The following PTPN13 variants were observed in gnomAD, a reference collection of about 807,000 sequenced individuals.
PTPN13 encodes tyrosine-protein phosphatase non-receptor type 13.
A neutral mutation model predicts 284.0 loss-of-function variants in PTPN13; 191 were observed. The observed-to-expected ratio is 0.67, with a 90% CI of 0.60 to 0.76. PTPN13 has a LOEUF of 0.76. Among genes scored for constraint, PTPN13 ranks in the 30% least tolerant of loss-of-function variants. The pLI, the probability that PTPN13 is intolerant of heterozygous loss-of-function variation, is 0.00. For synonymous variants in PTPN13, 986 were observed against 1,022.3 expected, an observed-to-expected ratio of 0.96 and a Z score of 0.68; for missense variants, 2,797 against 2,939.9, an observed-to-expected ratio of 0.95 and a Z score of 1.12.
At chr4:86,730,990 T>C (rs1211195886) in intron 10 of PTPN13, among the ~76,000 whole-genome samples, 1 of 152,228 alleles carries the variant, frequency 6.6e-6, no homozygotes, top group Non-Finnish European at 1.5e-5. Flanking sequence ...GTCCTATTGG[T>C]TCATTGAATA....
chr4:86,728,888 T>C (rs1236010073), intron 10 of PTPN13, among the ~76,000 whole-genome samples: 1 of 147,784 alleles, frequency 6.8e-6, no homozygotes, highest in Non-Finnish European at 1.5e-5. Context: ...GTCATTATGA[T>C]GTTATCTGGT....
At chr4:86,702,841 G>A (rs1032346421) in intron 7 of PTPN13, among the ~76,000 whole-genome samples, 5 of 152,080 alleles carry the variant, frequency 3.3e-5, no homozygotes, top group South Asian at 2.1e-4. Context: ...GATTAAAGAC[G>A]ACTTTAAGAT....
intron 2 of PTPN13, among the ~76,000 whole-genome samples, chr4:86,658,900 A>G (rs756265298): frequency 1.3e-5 from 2 of 152,186 alleles, no homozygotes; most frequent in Non-Finnish European, 2.9e-5. Context: ...TCAGAGAGAA[A>G]AAGAAAGCTG....
chr4:86,627,905 G>A lies in PTPN13; in HGVS notation c.-5-7347G>A, dbSNP rs1443069716. Among the ~76,000 whole-genome samples the A allele has an allele frequency of 2.0e-5, 3 of 152,144 alleles. No individual in the cohort carries two copies. In the East Asian group the frequency reaches 5.8e-4, roughly 29 times the overall value. ...ACATGTATCAGTAATAATTTTTATTGCTGATTAGTATTCCATTGTGAGGAT... is the reference window on the plus strand; with the variant it reads ...ACATGTATCAGTAATAATTTTTATTACTGATTAGTATTCCATTGTGAGGAT... On this transcript the variant is annotated intron_variant, in intron 1 of 47. Coordinates refer to ENST00000411767, the MANE Select transcript of PTPN13 (RefSeq NM_080683.3).
At chr4:86,672,676 G>T in intron 3 of PTPN13, 133 bp downstream of exon 3, 1 of 673,632 alleles carries the variant, frequency 1.5e-6, no homozygotes, top group South Asian at 3.0e-5. Context: ...AAGAAGTTCA[G>T]TTATTTTATT....
At chr4:86,769,686 C>G (rs1739754340) in intron 28 of PTPN13, 83 bp from the exon 29 acceptor site, 4 of 915,732 alleles carry the variant, frequency 4.4e-6, no homozygotes, top group South Asian at 3.6e-5. Flanking sequence ...TAAAATGTGT[C>G]TAGAAGTATA....
chr4:86,734,412 G>C lies in PTPN13; in HGVS notation c.1968G>C (p.Leu656Phe), dbSNP rs1264955902. Residue 656 changes from leucine (L) to phenylalanine (F), a missense_variant, in exon 13 of 48, where the codon TTG becomes TTC. Leu to Phe is a conservative substitution (Grantham distance 22). Coordinates refer to ENST00000411767, the MANE Select transcript of PTPN13 (RefSeq NM_080683.3). ...KKTKATVNFTLFFRIKFFMDD... is the reference protein window; with the variant it reads ...KKTKATVNFTFFFRIKFFMDD... The stretch of plus-strand genomic sequence containing the variant: ...CCAAAGCCACTGTTAATTTTACTTT[G>C]TTTTTCAGAATTAAATTTTTTATGG... 2 of 1,559,022 alleles carry C rather than the reference G, an allele frequency of 1.3e-6. No homozygotes were observed. Among genetic ancestry groups the C allele is most frequent in the Non-Finnish European group, 1.7e-6 (2 of 1,149,642 alleles).
intron 41 of PTPN13, among the ~76,000 whole-genome samples, chr4:86,797,551 A>G (rs1173023464): frequency 6.6e-6 from 1 of 152,122 alleles, no homozygotes; most frequent in African/African-American, 2.4e-5. Context: ...TTCTAGTGAC[A>G]TGTGAAAATG....
At chr4:86,750,432 G>A in intron 17 of PTPN13, 38 bp from the exon 18 acceptor site, 1 of 1,528,388 alleles carries the variant, frequency 6.5e-7, no homozygotes, top group South Asian at 1.2e-5. Context: ...AAGTACTGTG[G>A]CGTTACCATC....
chr4:86,616,026 G>A (rs1720508591), intron 1 of PTPN13, among the ~76,000 whole-genome samples: 1 of 152,136 alleles, frequency 6.6e-6, no homozygotes, highest in South Asian at 2.1e-4. Context: ...AATGAGCACT[G>A]AATAAATATT....
intron 3 of PTPN13, among the ~76,000 whole-genome samples, chr4:86,686,192 T>C (rs1168538041): frequency 6.6e-6 from 1 of 152,130 alleles, no homozygotes; most frequent in African/African-American, 2.4e-5. Flanking sequence ...CAAAACCCCA[T>C]CTCTACTTAA....
intron 1 of PTPN13, among the ~76,000 whole-genome samples, chr4:86,597,727 A>G (rs545535565): frequency 2.0e-5 from 3 of 152,248 alleles, no homozygotes; most frequent in Admixed American, 1.3e-4. Context: ...ACTGTCACTA[A>G]TAGTAAGGCA....
In PTPN13 at chr4:86,718,405, G is replaced by A. The variant is rs1201356; in HGVS notation, c.1385+1288G>A. ...AAACAGACTATTCACAGTTTAGAGT[G>A]TACGTAATTAAATACTTTACACTAA... On this transcript the variant is annotated intron_variant, in intron 9 of 47. Coordinates refer to ENST00000411767, the MANE Select transcript of PTPN13 (RefSeq NM_080683.3). 5.8e-3 allele frequency among the ~76,000 whole-genome samples: 885 copies of A among 151,402 alleles called. 7 individuals carry two copies. Among genetic ancestry groups the A allele is most frequent in the Middle Eastern group, 0.01 (3 of 288 alleles).
chr4:86,799,858 CAG>C (rs1743808110), intron 42 of PTPN13, among the ~76,000 whole-genome samples: 1 of 100,648 alleles, frequency 9.9e-6, no homozygotes, highest in Admixed American at 1.6e-4. Context: ...TTTTTTGAGA[CAG>C]AGTCTCTCTC....
chr4:86,752,928 A>G (rs1448932652), intron 19 of PTPN13, 81 bp from the exon 20 acceptor site: 4 of 997,836 alleles, frequency 4.0e-6, no homozygotes, highest in Non-Finnish European at 5.9e-6. Context: ...ATTGATTTTT[A>G]TGAGCTTATC....
At chr4:86,788,904 A>G (rs1204944304) in intron 40 of PTPN13, among the ~76,000 whole-genome samples, 1 of 152,208 alleles carries the variant, frequency 6.6e-6, no homozygotes, top group African/African-American at 2.4e-5. Flanking sequence ...AGTGGGACCT[A>G]CAAAGAAGGG....
chr4:86,629,524 T>C (rs1234626749), intron 1 of PTPN13, among the ~76,000 whole-genome samples: 1 of 152,134 alleles, frequency 6.6e-6, no homozygotes, highest in Non-Finnish European at 1.5e-5. Flanking sequence ...TTTTTAACAG[T>C]TCTTTCTTTT....
In PTPN13 at chr4:86,762,846, C is replaced by T. The variant is rs753180986; in HGVS notation, c.3673C>T (p.Leu1225=). Residue 1225 remains leucine, a synonymous_variant, in exon 24 of 48, where the codon CTG becomes TTG. Transcript: ENST00000411767. ...GGATCACCACTGGTCACGTGGTACCCTGAGGCACATCTCGGAGAACTCCTT... is the reference window on the plus strand; with the variant it reads ...GGATCACCACTGGTCACGTGGTACCTTGAGGCACATCTCGGAGAACTCCTT... The part of the protein sequence containing the change: ...SKDHHWSRGT[L]RHISENSFGP... 3.1e-6 allele frequency: 5 copies of T among 1,613,922 alleles called. No individual in the cohort carries two copies. The South Asian group carries it at 5.5e-5, about 18-fold the overall frequency.
intron 2 of PTPN13, among the ~76,000 whole-genome samples, chr4:86,638,866 A>C (rs1365848847): frequency 6.6e-6 from 1 of 152,212 alleles, no homozygotes; most frequent in Non-Finnish European, 1.5e-5. Context: ...TGCACAGCAA[A>C]AGAAACTACC....
Sources: allele counts gnomAD v4.1 joint callset (sites outside exome capture counted in the v4.1 genomes callset), GRCh38; gene constraint gnomAD v4.1.1; transcripts MANE v1.5; gene names NCBI Gene and HGNC (gene_info 2026-07-23, HGNC 2026-07-21).